ESRP1: variants seen among roughly 807,000 people sequenced by gnomAD.
The protein encoded by ESRP1 is epithelial splicing regulatory protein 1.
ESRP1 carries 33 observed loss-of-function variants against 81.7 expected under a neutral mutation model. The ratio of observed to expected loss-of-function variants is 0.40; its 90% CI spans 0.31 to 0.54. The LOEUF (loss-of-function observed/expected upper bound fraction) is 0.54. ESRP1 is among the 20% of genes least tolerant of loss of function. The pLI, the probability that ESRP1 is intolerant of heterozygous loss-of-function variation, is 0.41. For missense variants in ESRP1, 672 were observed against 833.1 expected (o/e 0.81, Z 2.38); for synonymous variants, 320 against 303.3 (o/e 1.06, Z -0.57).
chr8:94,652,971 G>A (rs1442182552), intron 4 of ESRP1, among the ~76,000 whole-genome samples: 1 of 152,134 alleles, frequency 6.6e-6, no homozygotes, highest in Non-Finnish European at 1.5e-5. Context: ...ACCTCAAATA[G>A]GTTATCTCCC....
intron 4 of ESRP1, among the ~76,000 whole-genome samples, chr8:94,661,288 C>T (rs781323928): frequency 7.9e-5 from 12 of 152,148 alleles, no homozygotes; most frequent in African/African-American, 2.7e-4. Flanking sequence ...GAGATCCTCC[C>T]GCCTCGGCAT....
At chr8:94,677,851 A>G (rs1808706311) in intron 12 of ESRP1, among the ~76,000 whole-genome samples, 1 of 152,176 alleles carries the variant, frequency 6.6e-6, no homozygotes, top group Non-Finnish European at 1.5e-5. Context: ...TGAAACTTAA[A>G]CATCAGTTCC....
intron 13 of ESRP1, among the ~76,000 whole-genome samples, chr8:94,682,984 G>T (rs1808983827): frequency 5.0e-5 from 3 of 60,436 alleles, no homozygotes; most frequent in Admixed American, 2.6e-4. Context: ...CATTCTTGTT[G>T]CCCAGGCTGG....
rs1459941663 is a variant in ESRP1, at chr8:94,668,077, G to C, written c.1060G>C (p.Gly354Arg). The C allele has an allele frequency of 1.2e-6, 2 of 1,613,856 alleles. No homozygotes were observed. Among genetic ancestry groups the C allele is most frequent in the Non-Finnish European group, 1.7e-6 (2 of 1,179,894 alleles). ...AFFGQHCPIT[G>R]GKEGILFVTY... ...CTTTGGACAGCATTGCCCTATTACT[G>C]GGGGAAAGGAAGGCATCCTCTTTGT... The change falls in exon 10 of 16, where the codon GGG (glycine) becomes CGG (arginine). Residue 354 changes from glycine (G) to arginine (R), a missense_variant. Physicochemically the swap from Gly to Arg is moderately radical, Grantham distance 125. Coordinates refer to ENST00000433389, the MANE Select transcript of ESRP1 (RefSeq NM_017697.4).
At chr8:94,660,857 G>C (rs1030856147) in intron 4 of ESRP1, among the ~76,000 whole-genome samples, 1 of 151,830 alleles carries the variant, frequency 6.6e-6, no homozygotes, top group Non-Finnish European at 1.5e-5. Context: ...GAAAGGAAGA[G>C]GCAATTGATG....
At chr8:94,641,804 C>G (rs115101064) in intron 1 of ESRP1, 152 bp from the exon 2 acceptor site, 1 of 1,244,152 alleles carries the variant, frequency 8.0e-7, no homozygotes, top group African/African-American at 1.5e-5. Flanking sequence ...GGGGCAGGAA[C>G]GCACCGGAAC....
chr8:94,705,743 C>A, intron 15 of ESRP1, 182 bp from the exon 16 acceptor site: 1 of 584,430 alleles, frequency 1.7e-6, no homozygotes, highest in Non-Finnish European at 3.0e-6. Flanking sequence ...TAGTGCTGTA[C>A]TCCCAAAGCC....
chr8:94,660,909 G>A (rs1215740096), intron 4 of ESRP1, among the ~76,000 whole-genome samples: 2 of 152,114 alleles, frequency 1.3e-5, no homozygotes, highest in African/African-American at 4.8e-5. Flanking sequence ...AATTGCCACA[G>A]CCATCCCAAC....
chr8:94,685,309 G>T (rs957649846), intron 13 of ESRP1, among the ~76,000 whole-genome samples: 3 of 152,098 alleles, frequency 2.0e-5, no homozygotes, highest in Admixed American at 6.6e-5. Context: ...AGGCTACACT[G>T]TATATTATAA....
chr8:94,691,760 G>T (rs1199444743), intron 13 of ESRP1, among the ~76,000 whole-genome samples: 1 of 151,788 alleles, frequency 6.6e-6, no homozygotes, highest in African/African-American at 2.4e-5. Flanking sequence ...ATGAATAAAG[G>T]TTAATAATCC....
chr8:94,650,926 C>T (rs973594932), intron 4 of ESRP1, among the ~76,000 whole-genome samples: 6 of 152,190 alleles, frequency 3.9e-5, no homozygotes, highest in African/African-American at 1.4e-4. Context: ...AGGATGGTCT[C>T]GATCTCCTGA....
chr8:94,672,645 G>A (rs151303679), intron 11 of ESRP1, among the ~76,000 whole-genome samples: 1 of 151,852 alleles, frequency 6.6e-6, no homozygotes, highest in Non-Finnish European at 1.5e-5. Context: ...CAATTCTCCT[G>A]CCTCAGCTTC....
intron 4 of ESRP1, among the ~76,000 whole-genome samples, chr8:94,660,247 G>T (rs1053788596): frequency 6.6e-6 from 1 of 152,176 alleles, no homozygotes; most frequent in Admixed American, 6.5e-5. Flanking sequence ...AATGTAGCTG[G>T]TGACTTTTAA....
At position 94,648,076 on chromosome 8, in the gene ESRP1, G is replaced by A. The variant is rs76467064; in HGVS notation, c.490+1794G>A. On this transcript the variant is annotated intron_variant, in intron 4 of 15. Transcript: ENST00000433389. ...AGGATTGTTGTGCCAGGGCAATATA[G>A]AGAAACCCCATGTCAACAAAAAATA... is the stretch of plus-strand genomic sequence containing the variant. Among the ~76,000 whole-genome samples, 410 of 152,272 alleles carry A rather than the reference G, an allele frequency of 2.7e-3. 2 individuals carry two copies. Among genetic ancestry groups the A allele is most frequent in the African/African-American group, 9.0e-3 (376 of 41,552 alleles).
chr8:94,663,338 C>T (rs549096275), intron 6 of ESRP1, among the ~76,000 whole-genome samples: 5 of 152,236 alleles, frequency 3.3e-5, no homozygotes, highest in South Asian at 4.1e-4. Flanking sequence ...CTCCGCCTCC[C>T]GGGTTCAAGC....
Position 94,641,339 on chromosome 8 carries a change from C to T in ESRP1, c.21C>T (p.Tyr7=). Residue 7 remains tyrosine, a synonymous_variant, in exon 1 of 16, where the codon TAC becomes TAT. Transcript: ENST00000433389. Reference sequence around the variant, plus strand: ...TCGTCATGACGGCCTCTCCGGATTACTTGGTGGTGCTTTTTGGGATCACTG... The same window carrying T: ...TCGTCATGACGGCCTCTCCGGATTATTTGGTGGTGCTTTTTGGGATCACTG... MTASPD[Y]LVVLFGITAG... is the part of the protein sequence containing the mutation. 6.2e-7 allele frequency: 1 copy of T among 1,608,794 alleles called. No individual in the cohort carries two copies. The highest frequency in any genetic ancestry group is 8.5e-7 in the Non-Finnish European group (1 of 1,176,854).
chr8:94,695,395 C>T (rs13249838), intron 14 of ESRP1, among the ~76,000 whole-genome samples: 77,049 of 127,216 alleles, frequency 0.61, 23,376 homozygotes, highest in Admixed American at 0.62. Context: ...CACTCTGTCG[C>T]CCAGGCTGGA....
chr8:94,654,109 A>T (rs1454969705), intron 4 of ESRP1, among the ~76,000 whole-genome samples: 1 of 152,154 alleles, frequency 6.6e-6, no homozygotes, highest in African/African-American at 2.4e-5. Context: ...ATGTGAGGTC[A>T]GGAGTTTGAG....
At chr8:94,652,364 A>T (rs1199500942) in intron 4 of ESRP1, among the ~76,000 whole-genome samples, 7 of 151,904 alleles carry the variant, frequency 4.6e-5, no homozygotes, top group African/African-American at 1.7e-4. Context: ...GAATTATGTG[A>T]TGCTAGCTGA....
Sources: allele counts gnomAD v4.1 joint callset (sites outside exome capture counted in the v4.1 genomes callset), GRCh38; gene constraint gnomAD v4.1.1; transcripts MANE v1.5; gene names NCBI Gene and HGNC (gene_info 2026-07-23, HGNC 2026-07-21).